EIF2B3: variants seen among roughly 807,000 people sequenced by gnomAD.
The protein encoded by EIF2B3 is translation initiation factor eIF2B subunit gamma.
A neutral mutation model predicts 54.1 loss-of-function variants in EIF2B3; 20 were observed. The ratio of observed to expected loss-of-function variants is 0.37; its 90% CI spans 0.26 to 0.54. EIF2B3 has a LOEUF of 0.54. Among genes scored for constraint, EIF2B3 ranks in the 20% least tolerant of loss-of-function variants. The pLI, the probability that EIF2B3 is intolerant of heterozygous loss-of-function variation, is 0.86. For missense variants in EIF2B3, 448 were observed against 547.8 expected, an observed-to-expected ratio of 0.82 and a Z score of 1.82; for synonymous variants, 153 against 188.1, an observed-to-expected ratio of 0.81 and a Z score of 1.52.
chr1:44,935,905 G>A (rs1307068260), intron 4 of EIF2B3, among the ~76,000 whole-genome samples: 1 of 150,790 alleles, frequency 6.6e-6, no homozygotes, highest in African/African-American at 2.4e-5. Flanking sequence ...ACACTTTTTT[G>A]TGTCTCCTTG....
chr1:44,911,738 G>C (rs1053793057), intron 5 of EIF2B3, among the ~76,000 whole-genome samples: 1 of 151,848 alleles, frequency 6.6e-6, no homozygotes, highest in African/African-American at 2.4e-5. Flanking sequence ...TTAAGTTTTA[G>C]GGTACATGTG....
intron 6 of EIF2B3, among the ~76,000 whole-genome samples, chr1:44,896,307 A>G (rs1282818208): frequency 6.6e-6 from 1 of 152,310 alleles, no homozygotes; most frequent in East Asian, 1.9e-4. Flanking sequence ...GCTTTCTAAA[A>G]GTCCAAATGA....
rs547302278 is a variant in EIF2B3 at position 44,957,214 on chromosome 1, C to T, written c.295-15549G>A. On this transcript the variant is annotated intron_variant, in intron 3 of 11. Coordinates refer to ENST00000360403, the MANE Select transcript of EIF2B3 (RefSeq NM_020365.5). ...TCAGGGGATGGAGGCTGCAGTAAGG[C>T]GAGATCGTGCCATGGCACTCTAGCC... is the stretch of plus-strand genomic sequence containing the variant. Among the ~76,000 whole-genome samples, 271 of 152,174 alleles carry T rather than the reference C, an allele frequency of 1.8e-3. 2 individuals are homozygous for T. The highest frequency in any genetic ancestry group is 6.2e-3 in the African/African-American group (258 of 41,520).
chr1:44,935,247 A>G (rs560902566), intron 4 of EIF2B3, among the ~76,000 whole-genome samples: 7 of 152,366 alleles, frequency 4.6e-5, no homozygotes, highest in African/African-American at 1.7e-4. Context: ...AAACAATTAC[A>G]TAGAGGAATG....
intron 10 of EIF2B3, 64 bp from the exon 11 acceptor site, chr1:44,857,871 G>C: frequency 6.6e-7 from 1 of 1,525,282 alleles, no homozygotes. Context: ...ATTACTATTG[G>C]TTGGGGGTTC....
chr1:44,856,348 C>G (rs769228676), intron 11 of EIF2B3, among the ~76,000 whole-genome samples: 2 of 151,642 alleles, frequency 1.3e-5, no homozygotes, highest in Non-Finnish European at 2.9e-5. Flanking sequence ...AACCCTGTCT[C>G]TACTAAAAAC....
intron 4 of EIF2B3, among the ~76,000 whole-genome samples, chr1:44,932,809 T>C (rs1364644413): frequency 5.3e-5 from 8 of 152,188 alleles, no homozygotes; most frequent in Non-Finnish European, 1.2e-4. Context: ...GAGAAGTTTA[T>C]ATCCAGCCAA....
At chr1:44,853,314 C>T (rs1654336469) in intron 11 of EIF2B3, among the ~76,000 whole-genome samples, 1 of 151,882 alleles carries the variant, frequency 6.6e-6, no homozygotes, top group Non-Finnish European at 1.5e-5. Context: ...TGTAGAGGCA[C>T]AACAAGCAGA....
At chr1:44,985,329 C>T (rs1011051316) in intron 1 of EIF2B3, among the ~76,000 whole-genome samples, 2 of 152,182 alleles carry the variant, frequency 1.3e-5, no homozygotes, top group South Asian at 2.1e-4. Context: ...CATTCCTAAC[C>T]GTTCCCACCC....
intron 10 of EIF2B3, among the ~76,000 whole-genome samples, chr1:44,871,022 T>C (rs977113411): frequency 3.9e-5 from 6 of 152,178 alleles, no homozygotes; most frequent in African/African-American, 1.4e-4. Flanking sequence ...GCTCCAGCCC[T>C]GTAGATCAAG....
At chr1:44,945,553 CAAAA>C (rs199816888) in intron 3 of EIF2B3, among the ~76,000 whole-genome samples, 1 of 103,896 alleles carries the variant, frequency 9.6e-6, no homozygotes, top group Non-Finnish European at 2.0e-5. Flanking sequence ...GACTCCGTCT[CAAAA>C]AAAAAAAAAA....
intron 6 of EIF2B3, among the ~76,000 whole-genome samples, chr1:44,882,981 G>A (rs961085070): frequency 1.4e-5 from 2 of 144,000 alleles, no homozygotes; most frequent in African/African-American, 5.3e-5. Context: ...CCAGGCTGGA[G>A]TGTAGCGGTG....
At chr1:44,915,203 G>A (rs1311838947) in intron 5 of EIF2B3, among the ~76,000 whole-genome samples, 1 of 151,172 alleles carries the variant, frequency 6.6e-6, no homozygotes, top group Non-Finnish European at 1.5e-5. Flanking sequence ...GGGAGGCTGA[G>A]GCAGGAGAAT....
At chr1:44,865,788 C>T (rs978846291) in intron 10 of EIF2B3, among the ~76,000 whole-genome samples, 2 of 152,004 alleles carry the variant, frequency 1.3e-5, no homozygotes, top group South Asian at 4.2e-4. Context: ...AGGCTGGTCT[C>T]GAACTCCTGA....
intron 3 of EIF2B3, among the ~76,000 whole-genome samples, chr1:44,973,456 T>C (rs1043867514): frequency 6.6e-6 from 1 of 152,104 alleles, no homozygotes; most frequent in Non-Finnish European, 1.5e-5. Flanking sequence ...AAATAAATAC[T>C]GGAGGCCAAG....
intron 10 of EIF2B3, 88 bp from the exon 11 acceptor site, chr1:44,857,895 G>T: frequency 7.9e-7 from 1 of 1,268,782 alleles, no homozygotes; most frequent in Middle Eastern, 2.3e-4. Flanking sequence ...CTCCTCCCTA[G>T]GCCAGGAACA....
At position 44,967,806 on chromosome 1, in the gene EIF2B3, G is replaced by A. The variant is rs998599870; in HGVS notation, c.294+10509C>T. 1.1e-4 allele frequency among the ~76,000 whole-genome samples: 16 copies of A among 151,074 alleles called. No homozygotes were observed. The East Asian group carries it at 2.2e-3, about 20-fold the overall frequency. On this transcript the variant is annotated intron_variant, in intron 3 of 11. Transcript: ENST00000360403. ...TGTAATCCCAGCACTTTGGGAGGCC[G>A]AGGCGAGCAAATCAAGAGGTCAGGA...
At chr1:44,906,347 T>A (rs900455487) in intron 5 of EIF2B3, among the ~76,000 whole-genome samples, 2 of 152,172 alleles carry the variant, frequency 1.3e-5, no homozygotes, top group Non-Finnish European at 2.9e-5. Context: ...AAAGGTTCAG[T>A]GAAGGATCAC....
intron 3 of EIF2B3, among the ~76,000 whole-genome samples, chr1:44,977,039 T>C (rs1644459938): frequency 6.6e-6 from 1 of 152,256 alleles, no homozygotes; most frequent in Non-Finnish European, 1.5e-5. Flanking sequence ...GCCATGTACA[T>C]ATTTGCATTA....
Sources: allele counts gnomAD v4.1 joint callset (sites outside exome capture counted in the v4.1 genomes callset), GRCh38; gene constraint gnomAD v4.1.1; transcripts MANE v1.5; gene names NCBI Gene and HGNC (gene_info 2026-07-23, HGNC 2026-07-21).